The following THBS4 variants were observed in gnomAD, a reference collection of about 807,000 sequenced individuals.
The protein encoded by THBS4 is thrombospondin 4, also known as thrombospondin-4.
In THBS4, 90 loss-of-function variants were observed where a neutral mutation model predicts 115.7. The ratio of observed to expected loss-of-function variants is 0.78; its 90% CI spans 0.66 to 0.93. The LOEUF is 0.93. THBS4 is among the 40% of genes least tolerant of loss of function. THBS4 has a pLI of 0.00. For missense variants in THBS4, 1,087 were observed against 1,232.7 expected, an observed-to-expected ratio of 0.88 and a Z score of 1.77; for synonymous variants, 460 against 479.3, an observed-to-expected ratio of 0.96 and a Z score of 0.53.
intron 10 of THBS4, among the ~76,000 whole-genome samples, chr5:80,069,338 G>T (rs1048499333): frequency 5.3e-5 from 8 of 152,210 alleles, no homozygotes; most frequent in Non-Finnish European, 8.8e-5. Context: ...CAGATATTCT[G>T]TAACAAGGTC....
intron 2 of THBS4, among the ~76,000 whole-genome samples, chr5:80,009,256 A>G (rs1832075376): frequency 6.6e-6 from 1 of 152,244 alleles, no homozygotes; most frequent in African/African-American, 2.4e-5. Flanking sequence ...TAGACCACCT[A>G]GCTGAATAAT....
intron 2 of THBS4, among the ~76,000 whole-genome samples, chr5:80,012,111 C>T (rs1461788316): frequency 1.3e-5 from 2 of 151,628 alleles, no homozygotes; most frequent in Non-Finnish European, 2.9e-5. Flanking sequence ...CATGTGTACC[C>T]CTGAACCTAA....
At chr5:80,031,090 G>C (rs1334884349), upstream of THBS4, among the ~76,000 whole-genome samples, 1 of 152,230 alleles carries the variant, frequency 6.6e-6, no homozygotes, top group Non-Finnish European at 1.5e-5. Context: ...CACACATGCA[G>C]CAAAGGGGTT....
rs139975507 is a variant in THBS4 at position 80,056,033 on chromosome 5, G to A, written c.540+1G>A. On this transcript the variant is annotated splice_donor_variant, in intron 3 of 21. Transcript: ENST00000350881. LOFTEE classifies it high-confidence loss of function. ...GAGGACTTTCCAGAGGAAGCCACAG[G>A]TAGGAACCCACAAACCATTCTCTGA... 6.3e-7 allele frequency: 1 copy of A among 1,596,632 alleles called. No individual in the cohort carries two copies. The highest frequency in any genetic ancestry group is 2.2e-5 in the East Asian group (1 of 44,492).
At chr5:80,028,451 CTT>C (rs1030667137) in intron 2 of THBS4, among the ~76,000 whole-genome samples, 1 of 146,202 alleles carries the variant, frequency 6.8e-6, no homozygotes, top group Non-Finnish European at 1.5e-5. Context: ...CCGCACCATA[CTT>C]TTTTTTTTTG....
intron 2 of THBS4, among the ~76,000 whole-genome samples, chr5:80,015,450 G>A (rs1832227525): frequency 6.6e-6 from 1 of 152,218 alleles, no homozygotes; most frequent in Admixed American, 6.5e-5. Flanking sequence ...AAGGGCTGAA[G>A]CCTGTCTCAC....
chr5:79,999,163 G>T (rs1831852395), intron 2 of THBS4, among the ~76,000 whole-genome samples: 1 of 152,146 alleles, frequency 6.6e-6, no homozygotes, highest in African/African-American at 2.4e-5. Flanking sequence ...AAAACGCTTT[G>T]TTTGAATATA....
In THBS4 at chr5:80,067,899, A is replaced by G. The variant is rs375245695; in HGVS notation, c.1195-74A>G. 5.2e-6 allele frequency: 8 copies of G among 1,545,390 alleles called. No homozygotes were observed. The East Asian group carries it at 1.8e-4, about 35-fold the overall frequency. On this transcript the variant is annotated intron_variant, in intron 9 of 21. Transcript: ENST00000350881. ...ATGAGTACCTGTGAAAATATACACA[A>G]TAACTGTACCTTTGCTCAAACTGTA... is the stretch of plus-strand genomic sequence containing the variant.
At chr5:80,069,310 C>T (rs1227021233) in intron 10 of THBS4, among the ~76,000 whole-genome samples, 1 of 152,190 alleles carries the variant, frequency 6.6e-6, no homozygotes, top group Non-Finnish European at 1.5e-5. Context: ...ATAATGAAGT[C>T]AGCCCTCCTT....
At chr5:80,037,242 A>T (rs568113829) in intron 1 of THBS4, among the ~76,000 whole-genome samples, 13 of 152,266 alleles carry the variant, frequency 8.5e-5, no homozygotes, top group African/African-American at 3.1e-4. Context: ...AACTCGGCCT[A>T]TACAACCTAA....
In THBS4 at chr5:80,055,983, C is replaced by T; in HGVS notation, c.491C>T (p.Ser164Phe). The change falls in exon 3 of 22, where the codon TCC (serine) becomes TTC (phenylalanine). Residue 164 changes from serine to phenylalanine, a missense_variant. Physicochemically the swap from Ser to Phe is radical, Grantham distance 155. Coordinates refer to ENST00000350881, the MANE Select transcript of THBS4 (RefSeq NM_003248.6). ...CTCCCCAGGGCCTTTGCTGGCCCCT[C>T]CCAGAAACCTGAGACCATTGAATTG... is the stretch of plus-strand genomic sequence containing the variant. ...HNLPRAFAGP[S>F]QKPETIELRT... 6.2e-7 allele frequency: 1 copy of T among 1,613,762 alleles called. No homozygotes were observed. Among genetic ancestry groups the T allele is most frequent in the Non-Finnish European group, 8.5e-7 (1 of 1,179,704 alleles).
intron 2 of THBS4, among the ~76,000 whole-genome samples, chr5:80,055,406 T>C (rs1387618932): frequency 1.3e-5 from 2 of 152,180 alleles, no homozygotes; most frequent in Admixed American, 6.5e-5. Context: ...AGCAAGTGTT[T>C]GGTGAATGAA....
rs74798786 is a variant in THBS4, at chr5:80,003,820, A to G, written n.177+5393A>G. 4.6e-5 allele frequency among the ~76,000 whole-genome samples: 7 copies of G among 152,320 alleles called. No homozygotes were observed. In the East Asian group the frequency reaches 9.6e-4, roughly 21 times the overall value. ...TTGTCTGCATAGTTAATCGTCCTCTATAGCATCTGGTATTTATCATCAAAA... is the reference window on the plus strand; with the variant it reads ...TTGTCTGCATAGTTAATCGTCCTCTGTAGCATCTGGTATTTATCATCAAAA... On this transcript the variant is annotated intron_variant and non_coding_transcript_variant, in intron 2 of 3. Transcript: ENST00000510218.
intron 2 of THBS4, among the ~76,000 whole-genome samples, chr5:80,019,134 A>C (rs1005685346): frequency 1.3e-5 from 2 of 151,966 alleles, no homozygotes; most frequent in African/African-American, 4.8e-5. Context: ...ACAAAACCAC[A>C]AGAAGCAACA....
chr5:80,002,659 G>A (rs1419269320), intron 2 of THBS4, among the ~76,000 whole-genome samples: 1 of 150,140 alleles, frequency 6.7e-6, no homozygotes, highest in East Asian at 2.0e-4. Context: ...AGAAGAAATT[G>A]TCCAAGCAGT....
chr5:80,063,020 C>T (rs754309375), intron 8 of THBS4, among the ~76,000 whole-genome samples: 6 of 152,186 alleles, frequency 3.9e-5, no homozygotes, highest in Non-Finnish European at 7.3e-5. Context: ...TTTATAGCAG[C>T]ATGATTTATA....
intron 2 of THBS4, chr5:80,052,750 A>G (rs1323789332): frequency 6.6e-6 from 1 of 152,282 alleles, no homozygotes; most frequent in African/African-American, 2.4e-5. Flanking sequence ...ATGAACCTAG[A>G]AAGTCTAATG....
upstream of THBS4, among the ~76,000 whole-genome samples, chr5:80,032,175 A>G (rs1832598194): frequency 6.6e-6 from 1 of 152,202 alleles, no homozygotes; most frequent in African/African-American, 2.4e-5. Context: ...CATATATTTC[A>G]TAGCTAATTA....
At chr5:80,002,381 G>A (rs1407913507) in intron 2 of THBS4, among the ~76,000 whole-genome samples, 4 of 152,014 alleles carry the variant, frequency 2.6e-5, no homozygotes, top group Non-Finnish European at 5.9e-5. Context: ...GGATGTCAGG[G>A]GAGACCCAGT....
Sources: gnomAD v4.1 joint callset for allele counts (sites outside exome capture counted in the v4.1 genomes callset) on GRCh38, gnomAD v4.1.1 for gene constraint, MANE v1.5 for transcripts, NCBI Gene and HGNC (gene_info 2026-07-23, HGNC 2026-07-21) for gene names.